The following ABCA8 variants were observed in gnomAD, a reference collection of about 807,000 sequenced individuals.
The protein encoded by ABCA8 is ABC-type organic anion transporter ABCA8.
A neutral mutation model predicts 192.3 loss-of-function variants in ABCA8; 177 were observed. The ratio of observed to expected loss-of-function variants is 0.92; its 90% confidence interval spans 0.81 to 1.04. The LOEUF is 1.04. ABCA8 is among the 50% of genes least tolerant of loss of function. ABCA8 has a pLI of 0.00. For synonymous variants in ABCA8, 642 were observed against 690.2 expected, an observed-to-expected ratio of 0.93 and a Z score of 1.09; for missense variants, 1,915 against 1,904.8, an observed-to-expected ratio of 1.01 and a Z score of -0.10.
chr17:68,894,906 C>T lies in ABCA8; in HGVS notation c.2872G>A (p.Ala958Thr). The stretch of plus-strand genomic sequence containing the variant: ...TTTTCATTACAACACACTGTGATGG[C>T]TCCATTATAAGATGGGTCATCTGTG... Reference protein sequence around the residue: ...NGTDDPSYNGAITVCCNEKNY... With the variant: ...NGTDDPSYNGTITVCCNEKNY... Residue 958 changes from alanine to threonine, a missense_variant, in exon 22 of 40, where the codon GCC (alanine) becomes ACC (threonine). Transcript: ENST00000586539. The T allele has an allele frequency of 6.2e-7, 1 of 1,613,450 alleles. No individual in the cohort carries two copies. Among genetic ancestry groups the T allele is most frequent in the Non-Finnish European group, 8.5e-7 (1 of 1,179,698 alleles).
Position 68,902,764 on chromosome 17 carries a change from C to T in ABCA8, c.2713G>A (p.Gly905Arg), listed in dbSNP as rs2066946471. The change falls in exon 21 of 40, where the codon GGA (glycine) becomes AGA (arginine). Residue 905 changes from glycine (G) to arginine (R), a missense_variant. Gly to Arg is a moderately radical substitution (Grantham distance 125). Transcript: ENST00000586539. Reference sequence around the variant, plus strand: ...GTGAGAGGGTCATGTGGTTGTTGTCCAGGAGCAAGGAAATACAAATGAGGA... The same window carrying T: ...GTGAGAGGGTCATGTGGTTGTTGTCTAGGAGCAAGGAAATACAAATGAGGA... Reference protein sequence around the residue: ...LSPHLYFLAPGQQPHDPLTQL... With the variant: ...LSPHLYFLAPRQQPHDPLTQL... The T allele has an allele frequency of 1.2e-6, 2 of 1,613,432 alleles. No homozygotes were observed. Among genetic ancestry groups the T allele is most frequent in the African/African-American group, 2.7e-5 (2 of 74,802 alleles).
intron 11 of ABCA8, among the ~76,000 whole-genome samples, chr17:68,923,217 T>TTTGA (rs1390855354): frequency 6.6e-6 from 1 of 151,442 alleles, no homozygotes; most frequent in Non-Finnish European, 1.5e-5. Context: ...TTTTTTTTTT[T>TTTGA]GAGAGAGAGT....
intron 24 of ABCA8, 24 bp downstream of exon 24, chr17:68,891,465 G>C (rs757451860): frequency 1.3e-6 from 2 of 1,499,682 alleles, no homozygotes; most frequent in South Asian, 2.4e-5. Context: ...CAAAATAATG[G>C]AAGTTGCAAT....
At chr17:68,934,365 T>C (rs2067994996) in intron 5 of ABCA8, among the ~76,000 whole-genome samples, 2 of 152,168 alleles carry the variant, frequency 1.3e-5, no homozygotes, top group Admixed American at 6.5e-5. Context: ...ATATCTGTAT[T>C]GGTCAGGATA....
Position 68,954,250 on chromosome 17 carries a change from C to T in ABCA8, c.-167+969G>A, listed in dbSNP as rs1262835108. ...CCCTACACTCCACCTCATGCACAAG[C>T]CCAAATATATCACAGCTTCTCTACA... On this transcript the variant is annotated intron_variant, in intron 1 of 39. Coordinates refer to ENST00000586539, the MANE Select transcript of ABCA8 (RefSeq NM_001288985.2). 1.3e-4 allele frequency among the ~76,000 whole-genome samples: 19 copies of T among 144,306 alleles called. No individual in the cohort carries two copies. In the Admixed American group the frequency reaches 1.4e-3, roughly 10 times the overall value. 94.7% of individuals were successfully genotyped at this position (144,306 alleles called of 152,430 possible).
rs1157312673 is a variant in ABCA8 at position 68,917,471 on chromosome 17, A to T, written c.2048-20T>A. ...TCCTGTCTGAAAAAGAAGAAGAGCA[A>T]AGAAGAAAGTTTGTTAAAAAGTGGC... On this transcript the variant is annotated intron_variant, in intron 16 of 39. Coordinates refer to ENST00000586539, the MANE Select transcript of ABCA8 (RefSeq NM_001288985.2). 6.3e-7 allele frequency: 1 copy of T among 1,580,728 alleles called. No homozygotes were observed. Among genetic ancestry groups the T allele is most frequent in the Non-Finnish European group, 8.7e-7 (1 of 1,155,944 alleles).
chr17:68,903,196 C>A, intron 20 of ABCA8, 105 bp downstream of exon 20: 1 of 1,205,378 alleles, frequency 8.3e-7, no homozygotes, highest in Admixed American at 2.0e-5. Context: ...CTTTCTGCTG[C>A]CTAATTCATC....
intron 7 of ABCA8, 36 bp from the exon 8 acceptor site, chr17:68,929,738 T>C (rs1024164358): frequency 5.1e-6 from 8 of 1,558,586 alleles, no homozygotes; most frequent in African/African-American, 1.4e-5. Flanking sequence ...TAGTATTTTA[T>C]GTTCACTTGA....
chr17:68,936,957 G>C lies in ABCA8; in HGVS notation c.460C>G (p.His154Asp), dbSNP rs1176534890. The C allele has an allele frequency of 1.3e-6, 2 of 1,587,762 alleles. No individual in the cohort carries two copies. The highest frequency in any genetic ancestry group is 2.3e-5 in the East Asian group (1 of 43,916). Residue 154 changes from histidine to aspartate, a missense_variant, in exon 5 of 40, where the codon CAT becomes GAT. His to Asp is a moderately conservative substitution (Grantham distance 81). Transcript: ENST00000586539. Reference protein sequence around the residue: ...GMPAKKEHKDHTAHCYETNED... With the variant: ...GMPAKKEHKDDTAHCYETNED... ...TTTAGAGCCATAAAATTACCTGTAT[G>C]GTCCTTGTGCTCCTTCTTTGCTGGC...
Position 68,891,611 on chromosome 17 carries a change from G to T in ABCA8, c.3037-15C>A. The T allele has an allele frequency of 1.3e-6, 2 of 1,555,872 alleles. No homozygotes were observed. The highest frequency in any genetic ancestry group is 8.8e-7 in the Non-Finnish European group (1 of 1,135,076). ...TCCTGTCCATTCTGAAAAACCCAAAGAATACAATGAACTGAATGAAGAAAT... is the reference window on the plus strand; with the variant it reads ...TCCTGTCCATTCTGAAAAACCCAAATAATACAATGAACTGAATGAAGAAAT... On this transcript the variant is annotated splice_polypyrimidine_tract_variant and intron_variant, in intron 23 of 39. Coordinates refer to ENST00000586539, the MANE Select transcript of ABCA8 (RefSeq NM_001288985.2).
chr17:68,868,042 A>T lies in ABCA8; in HGVS notation c.*43T>A, dbSNP rs150619131. 4.4e-4 allele frequency: 610 copies of T among 1,397,568 alleles called. 1 individual carries two copies. Among genetic ancestry groups the T allele is most frequent in the Middle Eastern group, 1.4e-3 (6 of 4,362 alleles). 86.6% of individuals were successfully genotyped at this position (1,397,568 alleles called of 1,614,324 possible). ...TGCTGCTATAAAAATAAATGTATTT[A>T]AAAAAAACCACGGGTTTAAACAGGA... On this transcript the variant is annotated 3_prime_UTR_variant, in exon 40 of 40. Coordinates refer to ENST00000586539, the MANE Select transcript of ABCA8 (RefSeq NM_001288985.2).
chr17:68,946,107 G>A (rs922470474), intron 2 of ABCA8, among the ~76,000 whole-genome samples: 3 of 151,330 alleles, frequency 2.0e-5, no homozygotes, highest in Admixed American at 2.0e-4. Context: ...TCACTGTGTG[G>A]CCCAGGCTAG....
chr17:68,921,331 C>G (rs375336541), intron 13 of ABCA8, 51 bp downstream of exon 13: 4 of 1,356,102 alleles, frequency 2.9e-6, no homozygotes, highest in Non-Finnish European at 3.1e-6. Flanking sequence ...GCACATGTAC[C>G]CTAAAACTTA....
At chr17:68,884,652 A>G in intron 27 of ABCA8, 2 of 1,161,714 alleles carry the variant, frequency 1.7e-6, no homozygotes, top group Non-Finnish European at 2.1e-6. Context: ...ACCTCCCCAA[A>G]CAGTGAGAGA....
Position 68,872,861 on chromosome 17 carries a change from G to T in ABCA8, c.4631+2399C>A, listed in dbSNP as rs1401617240. Reference sequence around the variant, plus strand: ...CTTATAGAATATGGATATGAAAAAAGAAAATATTTTTGTACAGCCATACAA... The same window carrying T: ...CTTATAGAATATGGATATGAAAAAATAAAATATTTTTGTACAGCCATACAA... On this transcript the variant is annotated intron_variant, in intron 37 of 39. Transcript: ENST00000586539. Among the ~76,000 whole-genome samples the T allele has an allele frequency of 2.6e-5, 4 of 152,098 alleles. No individual in the cohort carries two copies. The East Asian group carries it at 7.7e-4, about 29-fold the overall frequency.
intron 21 of ABCA8, among the ~76,000 whole-genome samples, chr17:68,896,106 G>A (rs2066750147): frequency 6.7e-6 from 1 of 148,354 alleles, no homozygotes; most frequent in Non-Finnish European, 1.5e-5. Flanking sequence ...AACAGTATGT[G>A]CTGAAACTCT....
chr17:68,881,044 T>C, intron 32 of ABCA8, 76 bp downstream of exon 32: 1 of 996,894 alleles, frequency 1.0e-6, no homozygotes, highest in Non-Finnish European at 1.6e-6. Flanking sequence ...AAGTGGAATC[T>C]GTTGTTTTTA....
chr17:68,910,422 A>T (rs561777206), intron 17 of ABCA8, among the ~76,000 whole-genome samples: 1 of 152,284 alleles, frequency 6.6e-6, no homozygotes, highest in East Asian at 1.9e-4. Flanking sequence ...CCACAGAGGG[A>T]GCATTTAGAC....
At chr17:68,877,430 T>C in intron 33 of ABCA8, 89 bp downstream of exon 33, 1 of 1,282,814 alleles carries the variant, frequency 7.8e-7, no homozygotes, top group Non-Finnish European at 1.1e-6. Context: ...ATTTAGAGTC[T>C]CCCATCCTGA....
Sources: allele counts gnomAD v4.1 joint callset (sites outside exome capture counted in the v4.1 genomes callset), GRCh38; gene constraint gnomAD v4.1.1; transcripts MANE v1.5; gene names NCBI Gene and HGNC (gene_info 2026-07-23, HGNC 2026-07-21).